ANKRD33B: variants seen among roughly 807,000 people sequenced by gnomAD.
ANKRD33B encodes the protein ankyrin repeat domain-containing protein 33B.
ANKRD33B carries 6 observed loss-of-function variants against 21.5 expected under a neutral mutation model. The ratio of observed to expected loss-of-function variants is 0.28; its 90% CI spans 0.15 to 0.55. The LOEUF (loss-of-function observed/expected upper bound fraction) is 0.55. Among genes scored for constraint, ANKRD33B ranks in the 20% least tolerant of loss-of-function variants. The pLI, the probability that ANKRD33B is intolerant of heterozygous loss-of-function variation, is 0.94. For synonymous variants in ANKRD33B, 347 were observed against 342.4 expected (o/e 1.01, Z -0.15); for missense variants, 698 against 747.2 (o/e 0.93, Z 0.77).
rs531044669 is a variant in ANKRD33B, at chr5:10,619,491, G to T, written c.496+1029G>T. 1.5e-5 allele frequency: 9 copies of T among 593,532 alleles called. No homozygotes were observed. The East Asian group carries it at 9.9e-4, about 65-fold the overall frequency. The allele number at this position is 593,532 out of a possible 1,614,324, so 36.8% of individuals were successfully genotyped here. ...AAGCCACCCTGGGTGGATCTGATGG[G>T]TGGGGGGCCAGGGAGGCTGGAAAAC... On this transcript the variant is annotated intron_variant, in intron 2 of 3. Transcript: ENST00000296657. The surrounding 1 kb of genome is among the most constrained non-coding windows in gnomAD (Gnocchi z 4.5).
chr5:10,586,178 G>A (rs903770276), intron 1 of ANKRD33B, among the ~76,000 whole-genome samples: 8 of 150,978 alleles, frequency 5.3e-5, no homozygotes, highest in African/African-American at 2.0e-4. Context: ...TTTGTTCCAG[G>A]ACTCCCCCAC....
chr5:10,637,700 G>A (rs1232051941), intron 2 of ANKRD33B, among the ~76,000 whole-genome samples: 1 of 152,050 alleles, frequency 6.6e-6, no homozygotes, highest in Non-Finnish European at 1.5e-5. Context: ...GGCTGTCTGA[G>A]GCTGCGCTCC....
At chr5:10,600,352 T>C (rs928520538) in intron 1 of ANKRD33B, among the ~76,000 whole-genome samples, 8 of 152,248 alleles carry the variant, frequency 5.3e-5, no homozygotes, top group African/African-American at 1.9e-4. Context: ...TTCACAATTT[T>C]TTATTACCAT....
intron 2 of ANKRD33B, among the ~76,000 whole-genome samples, chr5:10,629,523 T>C (rs1224001453): frequency 2.0e-5 from 3 of 152,080 alleles, no homozygotes; most frequent in Admixed American, 6.5e-5. Context: ...GGAGGAAAGA[T>C]GTTTTGGGTT....
At chr5:10,599,976 CA>C (rs1735897475) in intron 1 of ANKRD33B, among the ~76,000 whole-genome samples, 1 of 152,252 alleles carries the variant, frequency 6.6e-6, no homozygotes, top group African/African-American at 2.4e-5. Context: ...TGTTTCTTCA[CA>C]TCCTTACCAA....
At chr5:10,618,171 G>A (rs1394653320) in intron 1 of ANKRD33B, among the ~76,000 whole-genome samples, 162 bp from the exon 2 acceptor site, 1 of 152,148 alleles carries the variant, frequency 6.6e-6, no homozygotes, top group East Asian at 1.9e-4. Flanking sequence ...AGGATCGAGC[G>A]GCTGGCTCAC....
intron 1 of ANKRD33B, among the ~76,000 whole-genome samples, chr5:10,587,859 C>A (rs1579718622): frequency 2.0e-5 from 3 of 152,026 alleles, no homozygotes; most frequent in African/African-American, 7.3e-5. Flanking sequence ...AATTTTGGGT[C>A]TTTTTTGTTT....
chr5:10,582,651 C>T (rs898515502), intron 1 of ANKRD33B, among the ~76,000 whole-genome samples: 5 of 152,240 alleles, frequency 3.3e-5, no homozygotes, highest in Non-Finnish European at 7.3e-5. Context: ...TGTCCCCCAG[C>T]TGTGCGCTGT....
intron 1 of ANKRD33B, among the ~76,000 whole-genome samples, chr5:10,572,829 A>G (rs865788652): frequency 3.9e-5 from 6 of 152,180 alleles, no homozygotes; most frequent in African/African-American, 1.4e-4. Flanking sequence ...CCCAGCTGGA[A>G]TGTCCCTTGC....
At chr5:10,622,382 C>G (rs1736440317) in intron 2 of ANKRD33B, among the ~76,000 whole-genome samples, 1 of 152,220 alleles carries the variant, frequency 6.6e-6, no homozygotes, top group Non-Finnish European at 1.5e-5. Flanking sequence ...CTGCTACCAG[C>G]ATCAGACCTA....
At chr5:10,609,325 C>T (rs1327557510) in intron 1 of ANKRD33B, among the ~76,000 whole-genome samples, 5 of 150,812 alleles carry the variant, frequency 3.3e-5, no homozygotes, top group African/African-American at 4.9e-5. Context: ...GGCAGAGGTG[C>T]GCAGATCACT....
intron 1 of ANKRD33B, among the ~76,000 whole-genome samples, chr5:10,570,004 G>T (rs1251367895): frequency 2.0e-5 from 3 of 152,196 alleles, no homozygotes; most frequent in Non-Finnish European, 4.4e-5. Context: ...AGCCTCCTGA[G>T]TAGCTGGGAT....
At position 10,649,943 on chromosome 5, in the gene ANKRD33B, G is replaced by A; in HGVS notation, c.1315G>A (p.Glu439Lys). Residue 439 changes from glutamate to lysine, a missense_variant, in exon 4 of 4, where the codon GAG becomes AAG. Coordinates refer to ENST00000296657, the MANE Select transcript of ANKRD33B (RefSeq NM_001164440.2). ...GGCGCCCGCGCCCACCTTCCAGCCC[G>A]AGCGGCCGGCGCGGAAGGGCAGCAC... ...SKAPAPTFQP[E>K]RPARKGSTKD... 1.3e-6 allele frequency: 2 copies of A among 1,528,804 alleles called. No homozygotes were observed. The highest frequency in any genetic ancestry group is 1.7e-6 in the Non-Finnish European group (2 of 1,143,290). The allele number at this position is 1,528,804 out of a possible 1,614,324, so 94.7% of individuals were successfully genotyped here.
chr5:10,591,087 A>G (rs1275908401), intron 1 of ANKRD33B, among the ~76,000 whole-genome samples: 1 of 151,966 alleles, frequency 6.6e-6, no homozygotes, highest in African/African-American at 2.4e-5. Flanking sequence ...AAATTTTTAT[A>G]CAGTCAGATG....
At chr5:10,591,004 T>C (rs1273359159) in intron 1 of ANKRD33B, among the ~76,000 whole-genome samples, 5 of 152,180 alleles carry the variant, frequency 3.3e-5, no homozygotes, top group Admixed American at 6.5e-5. Flanking sequence ...GAAGCCAGTT[T>C]CTCAGAGCTG....
At chr5:10,621,297 C>G (rs1736414472) in intron 2 of ANKRD33B, among the ~76,000 whole-genome samples, 1 of 152,146 alleles carries the variant, frequency 6.6e-6, no homozygotes, top group Non-Finnish European at 1.5e-5. Context: ...AAACCAAAAT[C>G]TGGACTCTAG....
At chr5:10,577,269 A>G (rs1735344759) in intron 1 of ANKRD33B, among the ~76,000 whole-genome samples, 1 of 152,130 alleles carries the variant, frequency 6.6e-6, no homozygotes, top group Non-Finnish European at 1.5e-5. Context: ...AGCTGGGATT[A>G]CAGGCACCCA....
chr5:10,583,936 TGAGGAGATTAACCCCAG>T (rs1209515265), intron 1 of ANKRD33B, among the ~76,000 whole-genome samples: 1 of 152,186 alleles, frequency 6.6e-6, no homozygotes, highest in East Asian at 1.9e-4. Context: ...AAGTGTAATC[TGAGGAGATTAACCCCAG>T]GAGGCATGAA....
chr5:10,619,321 G>T lies in ANKRD33B; in HGVS notation c.496+859G>T. 1 of 985,418 alleles carries T rather than the reference G, an allele frequency of 1.0e-6. No individual in the cohort carries two copies. Among genetic ancestry groups the T allele is most frequent in the Non-Finnish European group, 1.2e-6 (1 of 829,922 alleles). The allele number at this position is 985,418 out of a possible 1,614,324, so 61.0% of individuals were successfully genotyped here. On this transcript the variant is annotated intron_variant, in intron 2 of 3. Transcript: ENST00000296657. The surrounding 1 kb of genome is among the most constrained non-coding windows in gnomAD (Gnocchi z 4.5). ...GGAGGGGAAGCTTACACGGTTGTCG[G>T]GTTGTTGAGAATCCCACTCAGGGCC...
Sources: gnomAD v4.1 joint callset for allele counts (sites outside exome capture counted in the v4.1 genomes callset) on GRCh38, gnomAD v4.1.1 for gene constraint, Gnocchi (gnomAD v3.1) non-coding constraint, MANE v1.5 for transcripts, NCBI Gene and HGNC (gene_info 2026-07-23, HGNC 2026-07-21) for gene names.